CLTC: variants seen among roughly 807,000 people sequenced by gnomAD.
CLTC encodes clathrin heavy chain.
In CLTC, 16 loss-of-function variants were observed where a neutral mutation model predicts 195.8. The observed-to-expected ratio is 0.08, with a 90% CI of 0.06 to 0.12. The LOEUF (loss-of-function observed/expected upper bound fraction) is 0.12, where lower values mean the gene tolerates loss of function less well. Ranked by LOEUF, CLTC falls within the 10% of genes least tolerant of loss-of-function variation. The probability of loss-of-function intolerance (pLI) is 1.00; values close to 1 mark genes in which losing one functional copy is unlikely to be tolerated. For missense variants in CLTC, 796 were observed against 2,027.0 expected, an observed-to-expected ratio of 0.39 and a Z score of 11.66; for synonymous variants, 667 against 689.4, an observed-to-expected ratio of 0.97 and a Z score of 0.51.
intron 1 of CLTC, among the ~76,000 whole-genome samples, chr17:59,621,704 G>T (rs1241178112): frequency 5.9e-5 from 9 of 152,044 alleles, no homozygotes; most frequent in Non-Finnish European, 1.5e-5. Flanking sequence ...ATATACCTTG[G>T]CAATAAAAAC....
At chr17:59,679,307 C>G in intron 17 of CLTC, 90 bp from the exon 18 acceptor site, 1 of 1,045,934 alleles carries the variant, frequency 9.6e-7, no homozygotes, top group Admixed American at 2.9e-5. Flanking sequence ...TATCAATAAA[C>G]ATAGTTTAAA....
At chr17:59,649,378 A>G (rs1211820199) in intron 4 of CLTC, among the ~76,000 whole-genome samples, 2 of 152,322 alleles carry the variant, frequency 1.3e-5, no homozygotes, top group East Asian at 3.9e-4. Context: ...TGAAATCCTA[A>G]TACTTTTGTG....
At chr17:59,635,162 G>T (rs2143468012) in intron 1 of CLTC, among the ~76,000 whole-genome samples, 1 of 151,722 alleles carries the variant, frequency 6.6e-6, no homozygotes, top group East Asian at 1.9e-4. Context: ...TTCATTTGCA[G>T]AAAATAGCTC....
Position 59,647,525 on chromosome 17 carries a change from A to T in CLTC, c.378A>T (p.Ala126=), listed in dbSNP as rs777668900. 1.2e-6 allele frequency: 2 copies of T among 1,614,178 alleles called. No homozygotes were observed. The highest frequency in any genetic ancestry group is 1.7e-6 in the Non-Finnish European group (2 of 1,180,018). The stretch of plus-strand genomic sequence containing the variant: ...CGGTTGCTCTTGTTACGGATAATGC[A>T]GTTTATCACTGGAGTATGGAAGGAG... The part of the protein sequence containing the change: ...LNTVALVTDN[A]VYHWSMEGES... Residue 126 remains alanine (A), a synonymous_variant, in exon 3 of 32, where the codon GCA becomes GCT. Transcript: ENST00000269122.
intron 1 of CLTC, 92 bp downstream of exon 1, chr17:59,620,265 G>A: frequency 7.3e-7 from 1 of 1,371,204 alleles, no homozygotes; most frequent in East Asian, 2.3e-5. Context: ...TATCGGAGCT[G>A]GAGGGGCGGG....
Position 59,685,097 on chromosome 17 carries a change from T to C in CLTC, c.4476T>C (p.Asn1492=). Residue 1492 remains asparagine, a synonymous_variant, in exon 29 of 32, where the codon AAT becomes AAC. Transcript: ENST00000269122. The surrounding 1 kb of genome is among the most constrained non-coding windows in gnomAD (Gnocchi z 5.0). Reference sequence around the variant, plus strand: ...TAGATGCTTATGACAACTTTGACAATATCTCGCTTGCTCAGCGTTTGGAAA... The same window carrying C: ...TAGATGCTTATGACAACTTTGACAACATCTCGCTTGCTCAGCGTTTGGAAA... ...TSIDAYDNFD[N]ISLAQRLEKH... 1 of 1,603,882 alleles carries C rather than the reference T, an allele frequency of 6.2e-7. No homozygotes were observed. The highest frequency in any genetic ancestry group is 2.2e-5 in the East Asian group (1 of 44,658).
rs1383750880 is a variant in CLTC, at chr17:59,685,071, A to G, written c.4450A>G (p.Ile1484Val). The G allele has an allele frequency of 1.9e-6, 3 of 1,590,358 alleles. No individual in the cohort carries two copies. Among genetic ancestry groups the G allele is most frequent in the South Asian group, 1.1e-5 (1 of 88,252 alleles). The change falls in exon 29 of 32, where the codon ATA becomes GTA. Residue 1484 changes from isoleucine (I) to valine (V), a missense_variant. Coordinates refer to ENST00000269122, the MANE Select transcript of CLTC (RefSeq NM_004859.4). The surrounding 1 kb of genome is among the most constrained non-coding windows in gnomAD (Gnocchi z 5.0). Reference sequence around the variant, plus strand: ...TTTTTTTAAGGCTCTGCGAACATCAATAGATGCTTATGACAACTTTGACAA... The same window carrying G: ...TTTTTTTAAGGCTCTGCGAACATCAGTAGATGCTTATGACAACTTTGACAA... The part of the protein sequence containing the change: ...EEDYQALRTS[I>V]DAYDNFDNIS...
rs1380540468 is a variant in CLTC, at chr17:59,688,087, TAGAA to T, written c.4827+2282_4827+2285del. ...TTCAGCAGCTAGTAAGCAAGGCAGT[TAGAA>T]AGCGTGTGTGTGAAAAACAGGTAAT... On this transcript the variant is annotated intron_variant, in intron 30 of 31. Transcript: ENST00000269122. Among the ~76,000 whole-genome samples the T allele has an allele frequency of 4.6e-5, 7 of 152,200 alleles. No homozygotes were observed. In the East Asian group the frequency reaches 1.3e-3, roughly 29 times the overall value.
chr17:59,623,727 C>T (rs757368190), intron 1 of CLTC, among the ~76,000 whole-genome samples: 33 of 152,040 alleles, frequency 2.2e-4, no homozygotes, highest in Non-Finnish European at 3.8e-4. Context: ...TCATTGTTAC[C>T]GTTGTGGCTT....
Position 59,648,605 on chromosome 17 carries a change from C to A in CLTC, c.681+204C>A. The A allele has an allele frequency of 1.9e-6, 1 of 529,146 alleles. No individual in the cohort carries two copies. Among genetic ancestry groups the A allele is most frequent in the South Asian group, 2.7e-5 (1 of 37,032 alleles). The allele number at this position is 529,146 out of a possible 1,614,324, so 32.8% of individuals were successfully genotyped here. ...GTTCTTTCACAACTCGTTCTGTTGG[C>A]TGTTTATATTCTTTGATTGCTAAAG... is the stretch of plus-strand genomic sequence containing the variant. On this transcript the variant is annotated intron_variant, in intron 4 of 31. Transcript: ENST00000269122. The surrounding 1 kb of genome is among the most constrained non-coding windows in gnomAD (Gnocchi z 4.5).
chr17:59,647,060 A>C (rs1245188984), intron 2 of CLTC, among the ~76,000 whole-genome samples: 2 of 152,262 alleles, frequency 1.3e-5, no homozygotes, highest in Non-Finnish European at 2.9e-5. Context: ...TAAAGTAAAC[A>C]TACTTAATTA....
chr17:59,657,912 A>G (rs948112477), intron 6 of CLTC, among the ~76,000 whole-genome samples: 13 of 151,672 alleles, frequency 8.6e-5, no homozygotes, highest in African/African-American at 2.7e-4. Flanking sequence ...AAAAAAAAAG[A>G]CAGGGGCTGG....
intron 5 of CLTC, among the ~76,000 whole-genome samples, chr17:59,655,533 T>G (rs1023892739): frequency 6.6e-6 from 1 of 151,398 alleles, no homozygotes; most frequent in Non-Finnish European, 1.5e-5. Context: ...CGATGCAGGG[T>G]TGCCATAAAC....
chr17:59,656,539 T>C (rs1008280720), intron 6 of CLTC, among the ~76,000 whole-genome samples: 1 of 152,184 alleles, frequency 6.6e-6, no homozygotes, highest in African/African-American at 2.4e-5. Flanking sequence ...TCAGTACCTC[T>C]TGTGGGATGC....
intron 14 of CLTC, among the ~76,000 whole-genome samples, chr17:59,672,880 G>A (rs1238112341): frequency 6.6e-6 from 1 of 152,112 alleles, no homozygotes; most frequent in African/African-American, 2.4e-5. Flanking sequence ...GTTTCACTGT[G>A]TATAAATGAA....
At chr17:59,655,741 A>G in intron 5 of CLTC, 113 bp from the exon 6 acceptor site, 1 of 801,634 alleles carries the variant, frequency 1.2e-6, no homozygotes. Context: ...AATTTTTCAA[A>G]TAACCCTCTT....
At chr17:59,662,955 C>T (rs1466898171) in intron 8 of CLTC, among the ~76,000 whole-genome samples, 3 of 152,020 alleles carry the variant, frequency 2.0e-5, no homozygotes, top group African/African-American at 7.3e-5. Context: ...GTGAGAACAG[C>T]CAAGGTAACT....
At chr17:59,686,184 C>G (rs933721626) in intron 30 of CLTC, among the ~76,000 whole-genome samples, 1 of 152,014 alleles carries the variant, frequency 6.6e-6, no homozygotes, top group Non-Finnish European at 1.5e-5. Context: ...TTAATGATGT[C>G]TATGCCTGTT....
At chr17:59,672,723 C>T (rs796216364) in intron 14 of CLTC, among the ~76,000 whole-genome samples, 3 of 152,082 alleles carry the variant, frequency 2.0e-5, no homozygotes, top group Admixed American at 1.3e-4. Context: ...TATTTATAAT[C>T]GAGTAACTAA....
Sources: gnomAD v4.1 joint callset for allele counts (sites outside exome capture counted in the v4.1 genomes callset) on GRCh38, gnomAD v4.1.1 for gene constraint, Gnocchi (gnomAD v3.1) non-coding constraint, MANE v1.5 for transcripts, NCBI Gene and HGNC (gene_info 2026-07-23, HGNC 2026-07-21) for gene names.